Variants in TRAPPC8 observed in about 807,000 individuals in gnomAD.
The protein encoded by TRAPPC8 is general sporulation gene 1 homolog.
A neutral mutation model predicts 174.3 loss-of-function variants in TRAPPC8; 54 were observed. The ratio of observed to expected loss-of-function variants is 0.31; its 90% CI spans 0.25 to 0.39. The LOEUF (loss-of-function observed/expected upper bound fraction) is 0.39, where lower values mean the gene tolerates loss of function less well. TRAPPC8 is among the 10% of genes least tolerant of loss of function. The pLI is 1.00. For synonymous variants in TRAPPC8, 630 were observed against 579.9 expected, an observed-to-expected ratio of 1.09 and a Z score of -1.24; for missense variants, 1,531 against 1,699.1, an observed-to-expected ratio of 0.90 and a Z score of 1.74.
Position 31,917,782 on chromosome 18 carries a change from A to G in TRAPPC8, c.353-115T>C. On this transcript the variant is annotated intron_variant, in intron 2 of 28. Transcript: ENST00000283351. ...ATAAAAAAAAAATTTCTAACAGTAA[A>G]CAAGCATTTTTCACCTGTGCTTTCA... The G allele has an allele frequency of 4.7e-6, 4 of 858,800 alleles. No individual in the cohort carries two copies. In the East Asian group the frequency reaches 1.0e-4, roughly 22 times the overall value. The allele number at this position is 858,800 out of a possible 1,614,324, so 53.2% of individuals were successfully genotyped here. A position where few individuals can be genotyped will look rare whatever the true frequency, so the allele number is the denominator to read the frequency against.
intron 2 of TRAPPC8, among the ~76,000 whole-genome samples, chr18:31,918,232 T>C (rs2037233594): frequency 7.0e-6 from 1 of 143,484 alleles, no homozygotes; most frequent in Non-Finnish European, 1.5e-5. Flanking sequence ...CATGAGTATA[T>C]ATATTTGCAA....
chr18:31,920,663 G>C (rs1161687684), intron 2 of TRAPPC8, among the ~76,000 whole-genome samples: 1 of 151,966 alleles, frequency 6.6e-6, no homozygotes, highest in Non-Finnish European at 1.5e-5. Context: ...AAAATGGCCA[G>C]GCACAGTGGC....
chr18:31,912,669 A>T (rs926329378), intron 5 of TRAPPC8, among the ~76,000 whole-genome samples: 7 of 151,672 alleles, frequency 4.6e-5, no homozygotes, highest in Non-Finnish European at 1.0e-4. Context: ...TCAAAAAAAA[A>T]GAAAAGAAAA....
chr18:31,888,050 TCAA>T (rs1276387971), intron 12 of TRAPPC8, among the ~76,000 whole-genome samples: 3 of 151,542 alleles, frequency 2.0e-5, no homozygotes, highest in Admixed American at 6.6e-5. Context: ...TTCCTACACA[TCAA>T]CAACAGACAA....
At chr18:31,898,444 A>C (rs933824741) in intron 10 of TRAPPC8, among the ~76,000 whole-genome samples, 1 of 152,252 alleles carries the variant, frequency 6.6e-6, no homozygotes, top group South Asian at 2.1e-4. Flanking sequence ...ATGCAAAGTC[A>C]TATCTCCTGC....
In TRAPPC8 at chr18:31,942,840, C is replaced by G; in HGVS notation, c.-76G>C. The G allele has an allele frequency of 7.9e-7, 1 of 1,261,470 alleles. No individual in the cohort carries two copies. The highest frequency in any genetic ancestry group is 1.0e-6 in the Non-Finnish European group (1 of 1,001,544). 78.1% of individuals were successfully genotyped at this position (1,261,470 alleles called of 1,614,324 possible). A position where few individuals can be genotyped will look rare whatever the true frequency, so the allele number is the denominator to read the frequency against. The stretch of plus-strand genomic sequence containing the variant: ...GTTATCCTGCGGCTGCAGCAGCTAC[C>G]GCCGCCGCCCGCCGGCCTGGCCCGG... On this transcript the variant is annotated 5_prime_UTR_variant, in exon 1 of 29. Transcript: ENST00000283351.
At chr18:31,916,814 A>AT (rs1169149853) in intron 3 of TRAPPC8, among the ~76,000 whole-genome samples, 5 of 147,486 alleles carry the variant, frequency 3.4e-5, no homozygotes, top group African/African-American at 1.3e-4. Context: ...GATTATAGGC[A>AT]TGAGCCACCG....
At chr18:31,857,346 G>A (rs1010608784) in intron 20 of TRAPPC8, among the ~76,000 whole-genome samples, 194 bp downstream of exon 20, 19 of 152,192 alleles carry the variant, frequency 1.2e-4, no homozygotes, top group African/African-American at 3.9e-4. Flanking sequence ...AATGTGTGCC[G>A]TTAAATTTTA....
chr18:31,916,056 CAAAAAAAA>C (rs34732342), intron 4 of TRAPPC8, among the ~76,000 whole-genome samples: 115 of 87,948 alleles, frequency 1.3e-3, no homozygotes, highest in Admixed American at 2.1e-3. Context: ...GACCTCGTCT[CAAAAAAAA>C]AAAAAAAAAA....
At chr18:31,850,220 G>A (rs1420525408) in intron 24 of TRAPPC8, among the ~76,000 whole-genome samples, 1 of 152,024 alleles carries the variant, frequency 6.6e-6, no homozygotes, top group African/African-American at 2.4e-5. Flanking sequence ...CAAAATGCTG[G>A]GATTGCAGGT....
At chr18:31,877,642 G>A (rs1344447375) in intron 12 of TRAPPC8, among the ~76,000 whole-genome samples, 1 of 149,186 alleles carries the variant, frequency 6.7e-6, no homozygotes, top group Non-Finnish European at 1.5e-5. Context: ...TGAGCCCATG[G>A]CCAGGCACGG....
intron 9 of TRAPPC8, among the ~76,000 whole-genome samples, chr18:31,905,354 T>C (rs1016532894): frequency 2.6e-5 from 4 of 152,118 alleles, no homozygotes; most frequent in Admixed American, 6.6e-5. Flanking sequence ...AGAAAGGCGC[T>C]CTTTCAGCTG....
rs2037839304 is a variant in TRAPPC8 at position 31,931,385 on chromosome 18, G to A, written c.296C>T (p.Ala99Val). Reference protein sequence around the residue: ...LNDVVSGSQPAEGLVANVITA... With the variant: ...LNDVVSGSQPVEGLVANVITA... ...AATCACATTAGCTACTAATCCTTCT[G>A]CAGGCTGACTGCCAGAAACAACATC... The change falls in exon 2 of 29, where the codon GCA (alanine) becomes GTA (valine). Residue 99 changes from alanine to valine, a missense_variant. Ala to Val is a moderately conservative substitution (Grantham distance 64, BLOSUM62 0). Coordinates refer to ENST00000283351, the MANE Select transcript of TRAPPC8 (RefSeq NM_014939.5). The A allele has an allele frequency of 6.2e-7, 1 of 1,612,216 alleles. No individual in the cohort carries two copies. Among genetic ancestry groups the A allele is most frequent in the African/African-American group, 1.3e-5 (1 of 74,864 alleles).
chr18:31,918,366 A>G (rs1213267097), intron 2 of TRAPPC8, among the ~76,000 whole-genome samples: 2 of 152,186 alleles, frequency 1.3e-5, no homozygotes, highest in Non-Finnish European at 2.9e-5. Flanking sequence ...TGACCCTGCC[A>G]CTAGTCACAC....
chr18:31,870,594 T>A, intron 15 of TRAPPC8, 92 bp from the exon 16 acceptor site: 1 of 1,356,240 alleles, frequency 7.4e-7, no homozygotes, highest in African/African-American at 1.5e-5. Flanking sequence ...CTTTCATAGC[T>A]CTGCATTTCT....
At chr18:31,929,112 G>T (rs951099951) in intron 2 of TRAPPC8, among the ~76,000 whole-genome samples, 1 of 151,968 alleles carries the variant, frequency 6.6e-6, no homozygotes, top group East Asian at 1.9e-4. Flanking sequence ...AACCCGGGAG[G>T]TGGAGGTTTC....
chr18:31,921,761 A>G (rs559759996), intron 2 of TRAPPC8, among the ~76,000 whole-genome samples: 2 of 152,176 alleles, frequency 1.3e-5, no homozygotes, highest in South Asian at 4.1e-4. Context: ...GTGATTACAT[A>G]TTTCATTTAT....
intron 13 of TRAPPC8, chr18:31,874,253 G>C: frequency 2.0e-6 from 1 of 489,296 alleles, no homozygotes; most frequent in East Asian, 3.2e-5. Flanking sequence ...TCTAAGAACA[G>C]CCACAAATCA....
chr18:31,864,831 A>T (rs2034510076), intron 18 of TRAPPC8, 50 bp from the exon 19 acceptor site: 4 of 1,488,082 alleles, frequency 2.7e-6, no homozygotes, highest in Non-Finnish European at 3.6e-6. Flanking sequence ...ATGTTAACTG[A>T]CATCAATTTA....
Sources: allele counts gnomAD v4.1 joint callset (sites outside exome capture counted in the v4.1 genomes callset), GRCh38; gene constraint gnomAD v4.1.1; transcripts MANE v1.5; gene names NCBI Gene and HGNC (gene_info 2026-07-23, HGNC 2026-07-21).